ZNF385D: variants seen among roughly 807,000 people sequenced by gnomAD.
ZNF385D encodes the protein zinc finger protein 385D.
Under a neutral mutation model 35.8 loss-of-function variants are expected in ZNF385D, and 15 were observed. The ratio of observed to expected loss-of-function variants is 0.42; its 90% CI spans 0.28 to 0.64. ZNF385D has a LOEUF of 0.64. Among genes scored for constraint, ZNF385D ranks in the 30% least tolerant of loss-of-function variants. The probability of loss-of-function intolerance (pLI) is 0.23; values close to 1 mark genes in which losing one functional copy is unlikely to be tolerated. For missense variants in ZNF385D, 474 were observed against 494.6 expected (o/e 0.96, Z 0.39); for synonymous variants, 212 against 186.8 (o/e 1.13, Z -1.10).
intron 3 of ZNF385D, among the ~76,000 whole-genome samples, chr3:21,900,316 T>C (rs1487470710): frequency 2.0e-5 from 3 of 151,992 alleles, no homozygotes; most frequent in South Asian, 2.1e-4. Flanking sequence ...AATCAAATTA[T>C]GGAAAAAATC....
At chr3:21,819,749 C>T (rs773941247) in intron 3 of ZNF385D, among the ~76,000 whole-genome samples, 25 of 116,778 alleles carry the variant, frequency 2.1e-4, no homozygotes, top group Non-Finnish European at 3.8e-4. Flanking sequence ...TATACACACA[C>T]GTACACATAA....
At chr3:21,584,193 G>T (rs1009494146) in intron 2 of ZNF385D, among the ~76,000 whole-genome samples, 31 of 142,902 alleles carry the variant, frequency 2.2e-4, no homozygotes, top group Admixed American at 8.9e-4. Context: ...TGGCCAGGCT[G>T]GTCTCAAAGT....
At chr3:21,813,911 A>T (rs1278855129) in intron 3 of ZNF385D, among the ~76,000 whole-genome samples, 1 of 152,196 alleles carries the variant, frequency 6.6e-6, no homozygotes, top group Admixed American at 6.5e-5. Flanking sequence ...CAGATTCACC[A>T]AAGTTGAAAT....
At chr3:21,610,780 A>C (rs1045551362) in intron 2 of ZNF385D, among the ~76,000 whole-genome samples, 7 of 150,670 alleles carry the variant, frequency 4.6e-5, no homozygotes, top group African/African-American at 1.7e-4. Context: ...GTCCCCCCCA[A>C]AAAAAAAAAA....
chr3:21,457,599 C>T (rs1009257774), intron 4 of ZNF385D, among the ~76,000 whole-genome samples: 1 of 152,126 alleles, frequency 6.6e-6, no homozygotes, highest in Non-Finnish European at 1.5e-5. Context: ...CGTGATCCAC[C>T]TGCCTTGGTC....
intron 2 of ZNF385D, among the ~76,000 whole-genome samples, chr3:22,328,562 A>G (rs994825390): frequency 1.3e-5 from 2 of 151,940 alleles, no homozygotes; most frequent in Non-Finnish European, 2.9e-5. Flanking sequence ...CAAGATATCG[A>G]GACCATCCTG....
At chr3:21,931,467 G>C (rs1701004821) in intron 3 of ZNF385D, among the ~76,000 whole-genome samples, 1 of 152,142 alleles carries the variant, frequency 6.6e-6, no homozygotes, top group Non-Finnish European at 1.5e-5. Flanking sequence ...AAAAACGTAT[G>C]TCCACACAAA....
intron 1 of ZNF385D, among the ~76,000 whole-genome samples, chr3:21,730,887 C>T (rs778242465): frequency 1.2e-4 from 19 of 152,168 alleles, no homozygotes; most frequent in Non-Finnish European, 2.4e-4. Flanking sequence ...GCACCCTATT[C>T]CAGCATTTTG....
At chr3:22,300,040 T>G (rs374125263) in intron 2 of ZNF385D, among the ~76,000 whole-genome samples, 3 of 151,890 alleles carry the variant, frequency 2.0e-5, no homozygotes, top group Admixed American at 6.6e-5. Flanking sequence ...AGGTACCACA[T>G]GACTTGACTT....
intron 3 of ZNF385D, chr3:21,961,425 C>A (rs1702586020): frequency 6.6e-6 from 1 of 151,212 alleles, no homozygotes; most frequent in African/African-American, 2.4e-5. Flanking sequence ...GGTATTTTGC[C>A]AAAAAAATTG....
intron 2 of ZNF385D, among the ~76,000 whole-genome samples, chr3:22,248,581 T>C (rs200791029): frequency 7.3e-5 from 11 of 150,796 alleles, no homozygotes; most frequent in African/African-American, 2.7e-4. Context: ...GCAAGGCTTT[T>C]GGATTTTGAT....
At chr3:21,787,548 A>G (rs78235240) in intron 3 of ZNF385D, among the ~76,000 whole-genome samples, 11,751 of 152,132 alleles carry the variant, frequency 0.077, 619 homozygotes, top group South Asian at 0.15. Context: ...TAGGAGAAAC[A>G]GTAAGATTCC....
intron 3 of ZNF385D, among the ~76,000 whole-genome samples, chr3:22,108,926 C>T (rs541293595): frequency 2.1e-4 from 32 of 152,044 alleles, no homozygotes; most frequent in Non-Finnish European, 3.2e-4. Flanking sequence ...GCAGGAGAAT[C>T]GCTTGAACCT....
chr3:21,851,112 T>G (rs1015400532), intron 3 of ZNF385D, among the ~76,000 whole-genome samples: 3 of 149,814 alleles, frequency 2.0e-5, no homozygotes, highest in Non-Finnish European at 4.5e-5. Context: ...TAAGAAAACA[T>G]AAAAACAATG....
At position 22,127,515 on chromosome 3, in the gene ZNF385D, C is replaced by T. The variant is rs377090660; in HGVS notation, c.325+41302G>A. On this transcript the variant is annotated intron_variant, in intron 3 of 5. Transcript: ENST00000494108. ...CCACCACACCCAGTTAATTTTTGTACTTTTAGTAGAGATGGGGTTTCACCA... is the reference window on the plus strand; with the variant it reads ...CCACCACACCCAGTTAATTTTTGTATTTTTAGTAGAGATGGGGTTTCACCA... Among the ~76,000 whole-genome samples, 166 of 151,042 alleles carry T rather than the reference C, an allele frequency of 1.1e-3. 2 individuals are homozygous for T. The highest frequency in any genetic ancestry group is 0.01 in the Middle Eastern group (3 of 294).
At position 21,873,916 on chromosome 3, in the gene ZNF385D, C is replaced by T. The variant is rs140225732; in HGVS notation, c.326-208888G>A. On this transcript the variant is annotated intron_variant, in intron 3 of 5. Coordinates refer to the ZNF385D transcript ENST00000494108. ...TGTTTAGGTTGTTTGCACTTCTTGG[C>T]TATTGTGAATAATGCTATTATAAAA... is the stretch of plus-strand genomic sequence containing the variant. 2.8e-4 allele frequency among the ~76,000 whole-genome samples: 43 copies of T among 151,816 alleles called. No homozygotes were observed. In the East Asian group the frequency reaches 7.7e-3, roughly 27 times the overall value.
chr3:22,034,356 A>C (rs34998826), intron 3 of ZNF385D, among the ~76,000 whole-genome samples: 8,468 of 152,216 alleles, frequency 0.056, 302 homozygotes, highest in Middle Eastern at 0.11. Context: ...GAACCTGACC[A>C]TGCCAGCACC....
At chr3:21,485,154 G>A (rs893495598) in intron 4 of ZNF385D, among the ~76,000 whole-genome samples, 1 of 152,096 alleles carries the variant, frequency 6.6e-6, no homozygotes, top group Non-Finnish European at 1.5e-5. Context: ...CATGTCCTAA[G>A]TTTAAACTGA....
chr3:21,829,309 T>C (rs890459086), intron 3 of ZNF385D, among the ~76,000 whole-genome samples: 2 of 152,066 alleles, frequency 1.3e-5, no homozygotes, highest in Non-Finnish European at 2.9e-5. Flanking sequence ...CTCTGAGATA[T>C]GAGACTTGAG....
Sources: allele counts gnomAD v4.1 joint callset (sites outside exome capture counted in the v4.1 genomes callset), GRCh38; gene constraint gnomAD v4.1.1; transcripts MANE v1.5; gene names NCBI Gene and HGNC (gene_info 2026-07-23, HGNC 2026-07-21).